SPAG16: variants seen among roughly 807,000 people sequenced by gnomAD.
SPAG16 encodes sperm associated antigen 16, also known as sperm-associated antigen 16 protein.
SPAG16 carries 86 observed loss-of-function variants against 80.4 expected under a neutral mutation model. That is an observed-to-expected ratio of 1.07 (90% CI 0.90 to 1.28). SPAG16 has a LOEUF of 1.28. SPAG16 is among the 50% of genes most tolerant of loss of function. The pLI is 0.00. For synonymous variants in SPAG16, 294 were observed against 265.9 expected (o/e 1.11, Z -1.03); for missense variants, 870 against 765.3 (o/e 1.14, Z -1.61).
intron 3 of SPAG16, 119 bp from the exon 4 acceptor site, chr2:213,309,940 A>C: frequency 1.6e-6 from 1 of 623,076 alleles, no homozygotes; most frequent in South Asian, 2.1e-5. Flanking sequence ...GGCATATAAC[A>C]GTCAACAAAC....
intron 12 of SPAG16, among the ~76,000 whole-genome samples, chr2:213,949,169 GTTTTT>G (rs767648099): frequency 0.022 from 1,270 of 56,768 alleles, 27 homozygotes; most frequent in African/African-American, 0.063. Context: ...AATTACAACA[GTTTTT>G]TTTTTTTTTT....
intron 15 of SPAG16, among the ~76,000 whole-genome samples, chr2:214,179,773 C>T (rs2057250716): frequency 6.6e-6 from 1 of 151,460 alleles, no homozygotes; most frequent in South Asian, 2.1e-4. Flanking sequence ...TTATTTGCAA[C>T]AGTAAGCCAA....
At chr2:213,332,681 C>T (rs1025271552) in intron 5 of SPAG16, among the ~76,000 whole-genome samples, 1 of 152,046 alleles carries the variant, frequency 6.6e-6, no homozygotes, top group African/African-American at 2.4e-5. Context: ...TCATCATGAC[C>T]AAGTGGGAAT....
At chr2:214,276,002 G>C (rs971828208) in intron 15 of SPAG16, among the ~76,000 whole-genome samples, 1 of 152,142 alleles carries the variant, frequency 6.6e-6, no homozygotes, top group Non-Finnish European at 1.5e-5. Context: ...ATATATTTAG[G>C]ATAGTTAGCT....
At chr2:213,511,873 ATTT>A (rs576806880) in intron 10 of SPAG16, among the ~76,000 whole-genome samples, 1 of 151,768 alleles carries the variant, frequency 6.6e-6, no homozygotes, top group Non-Finnish European at 1.5e-5. Flanking sequence ...ACAAAAGCAT[ATTT>A]TTTTTCAAAA....
chr2:213,326,487 C>T (rs911615551), intron 5 of SPAG16, among the ~76,000 whole-genome samples: 9 of 151,848 alleles, frequency 5.9e-5, no homozygotes, highest in African/African-American at 2.2e-4. Flanking sequence ...TTTTTCTGGA[C>T]GTGAATATAC....
intron 15 of SPAG16, among the ~76,000 whole-genome samples, chr2:214,298,141 TACACACACAC>T (rs376991580): frequency 6.0e-5 from 8 of 132,342 alleles, no homozygotes; most frequent in African/African-American, 2.4e-4. Flanking sequence ...CACATACACA[TACACACACAC>T]ACACATATAC....
At chr2:214,301,280 C>A (rs1029778551) in intron 15 of SPAG16, among the ~76,000 whole-genome samples, 10 of 150,714 alleles carry the variant, frequency 6.6e-5, no homozygotes, top group Non-Finnish European at 1.2e-4. Context: ...ATGATAAAAA[C>A]CCTCAAAATC....
At chr2:213,805,956 A>T (rs2071741350) in intron 10 of SPAG16, among the ~76,000 whole-genome samples, 1 of 152,214 alleles carries the variant, frequency 6.6e-6, no homozygotes. Context: ...TTAAAAGCTT[A>T]CTTTAGATAT....
At chr2:214,083,333 G>A (rs1333982601) in intron 13 of SPAG16, among the ~76,000 whole-genome samples, 1 of 152,096 alleles carries the variant, frequency 6.6e-6, no homozygotes, top group Non-Finnish European at 1.5e-5. Context: ...ATATGGATCA[G>A]TCTTTATTCC....
intron 15 of SPAG16, among the ~76,000 whole-genome samples, chr2:214,274,637 G>A (rs1215095855): frequency 6.6e-6 from 1 of 152,172 alleles, no homozygotes; most frequent in Admixed American, 6.5e-5. Flanking sequence ...TTGCATCCCA[G>A]GGATGAAGCT....
chr2:213,657,147 T>C (rs1399421843), intron 10 of SPAG16, among the ~76,000 whole-genome samples: 2 of 152,186 alleles, frequency 1.3e-5, no homozygotes, highest in Non-Finnish European at 2.9e-5. Context: ...TAGGTTTATG[T>C]TTTCTATTTC....
At position 214,003,449 on chromosome 2, in the gene SPAG16, T is replaced by C. The variant is rs188220288; in HGVS notation, c.1401-10502T>C. 1.0e-3 allele frequency among the ~76,000 whole-genome samples: 159 copies of C among 152,356 alleles called. 1 individual carries two copies. The highest frequency in any genetic ancestry group is 3.5e-3 in the African/African-American group (146 of 41,588). On this transcript the variant is annotated intron_variant, in intron 12 of 15. Transcript: ENST00000331683. ...AGGTAGTATAATGGTTAAAAGAACA[T>C]AGTCTTAAACCAACTGTTTGGGATA... is the stretch of plus-strand genomic sequence containing the variant.
chr2:214,097,423 C>T (rs2052664536), intron 13 of SPAG16, among the ~76,000 whole-genome samples: 1 of 151,986 alleles, frequency 6.6e-6, no homozygotes, highest in Admixed American at 6.6e-5. Context: ...CTTGAAGTGG[C>T]TAAGTACAGA....
chr2:214,147,039 A>T (rs993307581), intron 14 of SPAG16, among the ~76,000 whole-genome samples: 24 of 152,066 alleles, frequency 1.6e-4, no homozygotes, highest in Non-Finnish European at 3.1e-4. Flanking sequence ...ATTTTACCAT[A>T]ATGCATACTT....
At chr2:213,923,846 C>A (rs10174234) in intron 11 of SPAG16, 89,113 of 152,292 alleles carry the variant, frequency 0.59, 27,891 homozygotes, top group South Asian at 0.84. Flanking sequence ...GATGACTGGG[C>A]TGGAGGCTCT....
chr2:214,108,243 T>A lies in SPAG16; in HGVS notation c.1575T>A (p.Asp525Glu). The change falls in exon 14 of 16, where the codon GAT becomes GAA. Residue 525 changes from aspartate to glutamate, a missense_variant. Asp to Glu is a conservative substitution (Grantham distance 45). Coordinates refer to ENST00000331683, the MANE Select transcript of SPAG16 (RefSeq NM_024532.5). ...SLYGHMHSIN[D>E]AIFDPRGHMI... The stretch of plus-strand genomic sequence containing the variant: ...ATGGTCACATGCATTCTATCAATGA[T>A]GCCATTTTTGATCCCAGGGTAAGTT... The A allele has an allele frequency of 6.2e-7, 1 of 1,602,750 alleles. No individual in the cohort carries two copies. The highest frequency in any genetic ancestry group is 1.1e-5 in the South Asian group (1 of 90,196).
intron 5 of SPAG16, among the ~76,000 whole-genome samples, chr2:213,318,863 T>A (rs956219110): frequency 1.3e-5 from 2 of 151,932 alleles, no homozygotes; most frequent in Non-Finnish European, 2.9e-5. Flanking sequence ...ATAAATTTTC[T>A]TCTAACTTAA....
At chr2:213,927,847 C>A (rs1345886001) in intron 11 of SPAG16, among the ~76,000 whole-genome samples, 1 of 152,018 alleles carries the variant, frequency 6.6e-6, no homozygotes, top group East Asian at 1.9e-4. Context: ...TAACATGATA[C>A]CCATTGGAAA....
Sources: allele counts gnomAD v4.1 joint callset (sites outside exome capture counted in the v4.1 genomes callset), GRCh38; gene constraint gnomAD v4.1.1; transcripts MANE v1.5; gene names NCBI Gene and HGNC (gene_info 2026-07-23, HGNC 2026-07-21).